Variants in CMTM8 observed in about 807,000 individuals in gnomAD.
The protein encoded by CMTM8 is CKLF like MARVEL transmembrane domain containing 8.
In CMTM8, 12 loss-of-function variants were observed where a neutral mutation model predicts 18.6. The observed-to-expected ratio is 0.65, with a 90% CI of 0.41 to 1.05. The LOEUF (loss-of-function observed/expected upper bound fraction) is 1.05, where lower values mean the gene tolerates loss of function less well. CMTM8 is among the 50% of genes least tolerant of loss of function. The pLI is 0.00. For missense variants in CMTM8, 217 were observed against 227.2 expected (o/e 0.95, Z 0.29); for synonymous variants, 87 against 90.6 (o/e 0.96, Z 0.23).
At chr3:32,369,360 A>G (rs1695600068) in intron 3 of CMTM8, among the ~76,000 whole-genome samples, 1 of 152,146 alleles carries the variant, frequency 6.6e-6, no homozygotes, top group African/African-American at 2.4e-5. Flanking sequence ...GGTGACATTA[A>G]AAATCACAAG....
chr3:32,239,243 C>T (rs1160710893), intron 1 of CMTM8, 124 bp downstream of exon 1: 11 of 1,071,930 alleles, frequency 1.0e-5, no homozygotes, highest in African/African-American at 9.8e-5. Flanking sequence ...CGTTTTTGCT[C>T]AGCCTCGCCT....
chr3:32,279,538 ATGG>A (rs1391638662), intron 1 of CMTM8, among the ~76,000 whole-genome samples: 21 of 106,462 alleles, frequency 2.0e-4, no homozygotes, highest in African/African-American at 6.8e-4. Flanking sequence ...ATAGTATTCC[ATGG>A]TGTATATGTG....
chr3:32,324,621 C>G (rs76480403), intron 1 of CMTM8, among the ~76,000 whole-genome samples: 4,845 of 152,224 alleles, frequency 0.032, 266 homozygotes, highest in African/African-American at 0.11. Context: ...TACTGTTAAA[C>G]TTGTCTAAGG....
intron 1 of CMTM8, among the ~76,000 whole-genome samples, chr3:32,278,500 G>A (rs1160279725): frequency 6.6e-6 from 1 of 151,992 alleles, no homozygotes; most frequent in Middle Eastern, 3.2e-3. Context: ...TACCTGCTTG[G>A]TCCCTGTAGG....
At chr3:32,266,976 C>T (rs1371481184) in intron 1 of CMTM8, among the ~76,000 whole-genome samples, 3 of 152,252 alleles carry the variant, frequency 2.0e-5, no homozygotes, top group Non-Finnish European at 2.9e-5. Flanking sequence ...GAAGAACATT[C>T]CATGCTCATG....
intron 1 of CMTM8, among the ~76,000 whole-genome samples, chr3:32,283,878 A>G (rs955111441): frequency 1.7e-4 from 26 of 152,216 alleles, no homozygotes; most frequent in Non-Finnish European, 3.8e-4. Flanking sequence ...CTGAAACTCC[A>G]TTTGTAAATA....
intron 1 of CMTM8, among the ~76,000 whole-genome samples, chr3:32,239,750 G>T (rs977657154): frequency 1.3e-5 from 2 of 152,180 alleles, no homozygotes; most frequent in African/African-American, 4.8e-5. Flanking sequence ...GAAAACTCAC[G>T]TGATCTTCCC....
chr3:32,253,529 T>C (rs552760425), intron 1 of CMTM8, among the ~76,000 whole-genome samples: 1 of 151,870 alleles, frequency 6.6e-6, no homozygotes, highest in South Asian at 2.1e-4. Context: ...TGTATTTTTA[T>C]TTTAGTAGCG....
chr3:32,277,880 T>C (rs943287307), intron 1 of CMTM8, among the ~76,000 whole-genome samples: 2 of 152,220 alleles, frequency 1.3e-5, no homozygotes, highest in Admixed American at 1.3e-4. Context: ...GTGGCTGCCC[T>C]CTGCATGTAA....
rs78161231 is a variant in CMTM8 at position 32,328,031 on chromosome 3, T to A, written c.148-29342T>A. ...TTTGAGACAAGCTTAGAAAACATAG[T>A]AGAACCTCATCTCTACAAAAAATTT... On this transcript the variant is annotated intron_variant, in intron 1 of 3. Transcript: ENST00000307526. Among the ~76,000 whole-genome samples the A allele has an allele frequency of 4.3e-4, 66 of 152,180 alleles. 1 individual carries two copies. The East Asian group carries it at 0.012, about 28-fold the overall frequency.
At chr3:32,357,337 TC>T in intron 1 of CMTM8, 35 bp from the exon 2 acceptor site, 1 of 1,533,928 alleles carries the variant, frequency 6.5e-7, no homozygotes, top group South Asian at 1.1e-5. Context: ...TCTTCTACTG[TC>T]CCCTCCTCTC....
chr3:32,357,681 T>A (rs1696843275), intron 2 of CMTM8, 135 bp downstream of exon 2: 2 of 803,574 alleles, frequency 2.5e-6, no homozygotes, highest in Admixed American at 2.8e-5. Context: ...ACACAGCAGA[T>A]AATCTCAGCA....
At chr3:32,280,009 G>T (rs1368496439) in intron 1 of CMTM8, among the ~76,000 whole-genome samples, 1 of 151,478 alleles carries the variant, frequency 6.6e-6, no homozygotes, top group Non-Finnish European at 1.5e-5. Context: ...AATAATGGGA[G>T]ACTTTAACAC....
At chr3:32,260,451 C>G (rs1702241068) in intron 1 of CMTM8, among the ~76,000 whole-genome samples, 2 of 152,140 alleles carry the variant, frequency 1.3e-5, no homozygotes, top group African/African-American at 4.8e-5. Flanking sequence ...TTTCAAATGT[C>G]TACTCAGTTG....
At chr3:32,253,702 C>T (rs1167860603) in intron 1 of CMTM8, among the ~76,000 whole-genome samples, 1 of 151,954 alleles carries the variant, frequency 6.6e-6, no homozygotes. Context: ...CCATGCATTT[C>T]TCCAATTTCT....
intron 1 of CMTM8, among the ~76,000 whole-genome samples, chr3:32,261,126 G>C (rs766613272): frequency 6.6e-6 from 1 of 151,580 alleles, no homozygotes; most frequent in Non-Finnish European, 1.5e-5. Flanking sequence ...GGAGGCTGAG[G>C]CAGGAGGATT....
intron 1 of CMTM8, among the ~76,000 whole-genome samples, chr3:32,340,793 A>G (rs1338836242): frequency 6.6e-6 from 1 of 152,244 alleles, no homozygotes; most frequent in Non-Finnish European, 1.5e-5. Context: ...CCCCTGGTGA[A>G]AAAGAAAGAA....
Position 32,319,074 on chromosome 3 carries a change from A to ATTTTTTT in CMTM8, c.148-38284_148-38278dup, listed in dbSNP as rs1177949113. 7.1e-3 allele frequency among the ~76,000 whole-genome samples: 225 copies of ATTTTTTT among 31,536 alleles called. 18 individuals are homozygous for ATTTTTTT. Among genetic ancestry groups the ATTTTTTT allele is most frequent in the Admixed American group, 0.042 (74 of 1,762 alleles). 20.7% of individuals were successfully genotyped at this position (31,536 alleles called of 152,430 possible). On this transcript the variant is annotated intron_variant, in intron 1 of 3. Coordinates refer to ENST00000307526, the MANE Select transcript of CMTM8 (RefSeq NM_178868.5). ...TGTATATACATATATATATATATAT[A>ATTTTTTT]TTTTTTTTTTTTTTTTTTTTTGAGA...
intron 1 of CMTM8, among the ~76,000 whole-genome samples, chr3:32,277,959 A>G (rs116086175): frequency 0.011 from 1,614 of 152,282 alleles, 27 homozygotes; most frequent in African/African-American, 0.037. Flanking sequence ...AACAAGGTGG[A>G]AACTTGTTTT....
Sources: allele counts gnomAD v4.1 joint callset (sites outside exome capture counted in the v4.1 genomes callset), GRCh38; gene constraint gnomAD v4.1.1; transcripts MANE v1.5; gene names NCBI Gene and HGNC (gene_info 2026-07-23, HGNC 2026-07-21).